Variants in C3orf20 observed in about 807,000 individuals in gnomAD.
The protein encoded by C3orf20 is uncharacterized protein C3orf20.
In C3orf20, 76 loss-of-function variants were observed where a neutral mutation model predicts 88.3. That is an observed-to-expected ratio of 0.86 (90% confidence interval 0.72 to 1.04). The LOEUF (loss-of-function observed/expected upper bound fraction) is 1.04, where lower values mean the gene tolerates loss of function less well. Ranked by LOEUF, C3orf20 falls within the 50% of genes least tolerant of loss-of-function variation. C3orf20 has a pLI of 0.00. For synonymous variants in C3orf20, 436 were observed against 437.4 expected (o/e 1.00, Z 0.04); for missense variants, 1,056 against 1,123.3 (o/e 0.94, Z 0.86).
chr3:14,725,051 T>C (rs1173390541), intron 10 of C3orf20, among the ~76,000 whole-genome samples: 1 of 152,210 alleles, frequency 6.6e-6, no homozygotes, highest in East Asian at 1.9e-4. Context: ...GCCAAAAAAG[T>C]GTTCCGATCA....
chr3:14,685,460 T>TTCTCTCTCTCTCTCTCTCTGTTTCTC (rs2032348836), intron 4 of C3orf20, among the ~76,000 whole-genome samples: 1 of 139,014 alleles, frequency 7.2e-6, no homozygotes, highest in East Asian at 2.1e-4. Context: ...CTCTCTCTGT[T>TTCTCTCTCTCTCTCTCTCTGTTTCTC]TCTCTCTCTC....
rs1421388432 is a variant in C3orf20 at position 14,772,362 on chromosome 3, G to A, written c.2630+161G>A. 6.6e-6 allele frequency among the ~76,000 whole-genome samples: 1 copy of A among 152,222 alleles called. No individual in the cohort carries two copies. Among genetic ancestry groups the A allele is most frequent in the Admixed American group, 6.5e-5 (1 of 15,288 alleles). Reference sequence around the variant, plus strand: ...AATCAACACAATATTGGGCGGGCATGCAGGCTGCCCTGGAGCTGCTCGCAG... The same window carrying A: ...AATCAACACAATATTGGGCGGGCATACAGGCTGCCCTGGAGCTGCTCGCAG... On this transcript the variant is annotated intron_variant, in intron 16 of 16. Coordinates refer to ENST00000253697, the MANE Select transcript of C3orf20 (RefSeq NM_032137.5). This position sits in a 1 kb window ranked among gnomAD's most constrained non-coding sequence, Gnocchi z 4.2.
chr3:14,684,107 C>T (rs2032264422), intron 3 of C3orf20, 135 bp from the exon 4 acceptor site: 3 of 1,176,360 alleles, frequency 2.6e-6, no homozygotes, highest in African/African-American at 1.5e-5. Flanking sequence ...TTCACAGTAG[C>T]CCCCTCACCC....
rs150110084 is a variant in C3orf20, at chr3:14,689,506, G to A, written c.626-491G>A. Reference sequence around the variant, plus strand: ...AAGATTTTCCACTAGCCATAAGGGTGCTACATTTTAATTCTTAAGTGGTCA... The same window carrying A: ...AAGATTTTCCACTAGCCATAAGGGTACTACATTTTAATTCTTAAGTGGTCA... On this transcript the variant is annotated intron_variant, in intron 4 of 16. Transcript: ENST00000253697. Among the ~76,000 whole-genome samples, 439 of 152,270 alleles carry A rather than the reference G, an allele frequency of 2.9e-3. 1 individual carries two copies. Among genetic ancestry groups the A allele is most frequent in the Non-Finnish European group, 4.2e-3 (287 of 68,018 alleles).
In C3orf20 at chr3:14,704,394, A is replaced by C. The variant is rs759487310; in HGVS notation, c.936A>C (p.Arg312=). 1 of 1,614,120 alleles carries C rather than the reference A, an allele frequency of 6.2e-7. No homozygotes were observed. Among genetic ancestry groups the C allele is most frequent in the Admixed American group, 1.7e-5 (1 of 60,020 alleles). Residue 312 remains arginine (R), a synonymous_variant, in exon 7 of 17, where the codon CGA becomes CGC. Transcript: ENST00000253697. ...ATATCTCCTACCCCATGATCTTACG[A>C]AACTACAAGGCAAAGATGCCCTCTC... ...GRNISYPMIL[R]NYKAKMPSHL...
intron 12 of C3orf20, among the ~76,000 whole-genome samples, chr3:14,743,331 C>T (rs2034969308): frequency 6.6e-6 from 1 of 151,994 alleles, no homozygotes; most frequent in Admixed American, 6.5e-5. Flanking sequence ...AAATGACCTC[C>T]TTTGACTCCA....
chr3:14,759,222 C>T (rs2035483352), intron 13 of C3orf20, among the ~76,000 whole-genome samples: 1 of 152,168 alleles, frequency 6.6e-6, no homozygotes, highest in South Asian at 2.1e-4. Flanking sequence ...ACAGCTAGAA[C>T]ACTGGGTGTG....
At chr3:14,729,859 T>C (rs1045689556) in intron 12 of C3orf20, among the ~76,000 whole-genome samples, 7 of 152,240 alleles carry the variant, frequency 4.6e-5, no homozygotes, top group African/African-American at 1.7e-4. Context: ...ATTTATCTCT[T>C]TTTAACTTTA....
chr3:14,763,789 A>G lies in C3orf20; in HGVS notation c.2495+2174A>G, dbSNP rs546960476. Among the ~76,000 whole-genome samples, 4 of 152,290 alleles carry G rather than the reference A, an allele frequency of 2.6e-5. No individual in the cohort carries two copies. The South Asian group carries it at 8.3e-4, about 32-fold the overall frequency. On this transcript the variant is annotated intron_variant, in intron 15 of 16. Coordinates refer to ENST00000253697, the MANE Select transcript of C3orf20 (RefSeq NM_032137.5). Reference sequence around the variant, plus strand: ...TTATGGGGATTAGAGGAGTCAGCACATGGGAAGTGCTGGCACATAGCTCAC... The same window carrying G: ...TTATGGGGATTAGAGGAGTCAGCACGTGGGAAGTGCTGGCACATAGCTCAC...
At chr3:14,683,448 T>C (rs1331177534) in intron 3 of C3orf20, among the ~76,000 whole-genome samples, 1 of 152,068 alleles carries the variant, frequency 6.6e-6, no homozygotes, top group Admixed American at 6.6e-5. Context: ...TAAGGGGCAG[T>C]GTTTGTGAGA....
intron 12 of C3orf20, among the ~76,000 whole-genome samples, chr3:14,753,944 T>C (rs894460425): frequency 1.2e-4 from 19 of 152,266 alleles, no homozygotes; most frequent in African/African-American, 4.3e-4. Context: ...TTCAATGCTT[T>C]TAGTCAGGCT....
rs570748398 is a variant in C3orf20, at chr3:14,715,962, TTAA to T, written c.1434+560_1434+562del. Among the ~76,000 whole-genome samples the T allele has an allele frequency of 2.2e-3, 332 of 149,978 alleles. 1 individual carries two copies. Among genetic ancestry groups the T allele is most frequent in the Middle Eastern group, 3.5e-3 (1 of 288 alleles). ...ACAAATAATAAAGAGGGCTGAATTA[TTAA>T]TAATAAATTAATAAACTTATTAATA... On this transcript the variant is annotated intron_variant, in intron 9 of 16. Coordinates refer to ENST00000253697, the MANE Select transcript of C3orf20 (RefSeq NM_032137.5).
At chr3:14,689,770 G>T (rs953079040) in intron 4 of C3orf20, among the ~76,000 whole-genome samples, 7 of 151,836 alleles carry the variant, frequency 4.6e-5, no homozygotes, top group African/African-American at 1.7e-4. Context: ...CTCTTGAGAG[G>T]GTTGGGGAGG....
At chr3:14,738,578 A>G (rs1224467067) in intron 12 of C3orf20, among the ~76,000 whole-genome samples, 4 of 133,234 alleles carry the variant, frequency 3.0e-5, no homozygotes, top group African/African-American at 1.1e-4. Flanking sequence ...TGATCTGCCC[A>G]CCTTGGCCTC....
Position 14,728,685 on chromosome 3 carries a change from C to T in C3orf20, c.1937C>T (p.Ser646Phe), listed in dbSNP as rs1256349509. ...TKIHTKAKVT[S>F]RGKAREGRSP... ...ATCCACACCAAAGCCAAGGTCACAT[C>T]CAGGTTGGCTTGGTCCTTCACGTCT... The change falls in exon 12 of 17, where the codon TCC (serine) becomes TTC (phenylalanine). Residue 646 changes from serine (S) to phenylalanine (F), a missense_variant. Transcript: ENST00000253697. 1 of 1,613,160 alleles carries T rather than the reference C, an allele frequency of 6.2e-7. No individual in the cohort carries two copies. Among genetic ancestry groups the T allele is most frequent in the Non-Finnish European group, 8.5e-7 (1 of 1,179,972 alleles).
chr3:14,743,400 C>A (rs902907816), intron 12 of C3orf20, among the ~76,000 whole-genome samples: 1 of 151,986 alleles, frequency 6.6e-6, no homozygotes, highest in African/African-American at 2.4e-5. Flanking sequence ...TTGGGCAGCT[C>A]TGCCCCTGTG....
At position 14,759,972 on chromosome 3, in the gene C3orf20, A is replaced by T. The variant is rs747272653; in HGVS notation, c.2326A>T (p.Asn776Tyr). The T allele has an allele frequency of 6.2e-7, 1 of 1,614,084 alleles. No homozygotes were observed. The highest frequency in any genetic ancestry group is 1.1e-5 in the South Asian group (1 of 91,084). ...QEDPPLMVKK[N>Y]SVVQGMILMF... ...GGACCCTCCCCTGATGGTGAAGAAG[A>T]ACTCTGTGGTGCAGGGGATGATTCT... Residue 776 changes from asparagine (N) to tyrosine (Y), a missense_variant, in exon 14 of 17, where the codon AAC becomes TAC. Transcript: ENST00000253697.
At chr3:14,698,511 G>A (rs1190930130) in intron 5 of C3orf20, among the ~76,000 whole-genome samples, 1 of 152,240 alleles carries the variant, frequency 6.6e-6, no homozygotes, top group African/African-American at 2.4e-5. Flanking sequence ...GAATGTTGCG[G>A]TTCTTGCAGA....
rs2032152992 is a variant in C3orf20 at position 14,682,612 on chromosome 3, C to T, written c.-102C>T. 4.8e-6 allele frequency: 7 copies of T among 1,450,308 alleles called. No homozygotes were observed. The Admixed American group carries it at 8.9e-5, about 18-fold the overall frequency. The allele number at this position is 1,450,308 out of a possible 1,614,324, so 89.8% of individuals were successfully genotyped here. A position where few individuals can be genotyped will look rare whatever the true frequency, so the allele number is the denominator to read the frequency against. The stretch of plus-strand genomic sequence containing the variant: ...GCTCAATGACCTGTAAGGGCCGTTT[C>T]AGCACATCCATTCTGTCCATCTCCA... On this transcript the variant is annotated 5_prime_UTR_variant, in exon 3 of 17. Transcript: ENST00000253697.
Sources: allele counts gnomAD v4.1 joint callset (sites outside exome capture counted in the v4.1 genomes callset), GRCh38; gene constraint gnomAD v4.1.1; non-coding constraint Gnocchi (gnomAD v3.1); transcripts MANE v1.5; gene names NCBI Gene and HGNC (gene_info 2026-07-23, HGNC 2026-07-21).